Variants in ATG5 observed in about 807,000 individuals in gnomAD.
The protein encoded by ATG5 is autophagy related 5.
A neutral mutation model predicts 36.5 loss-of-function variants in ATG5; 14 were observed. The ratio of observed to expected loss-of-function variants is 0.38; its 90% confidence interval spans 0.25 to 0.60. The LOEUF is 0.60. Ranked by LOEUF, ATG5 falls within the 20% of genes least tolerant of loss-of-function variation. The pLI, the probability that ATG5 is intolerant of heterozygous loss-of-function variation, is 0.60. For synonymous variants in ATG5, 95 were observed against 101.5 expected, an observed-to-expected ratio of 0.94 and a Z score of 0.38; for missense variants, 195 against 326.7, an observed-to-expected ratio of 0.60 and a Z score of 3.11.
At chr6:106,228,865 T>G (rs1777550641) in intron 6 of ATG5, among the ~76,000 whole-genome samples, 1 of 152,100 alleles carries the variant, frequency 6.6e-6, no homozygotes, top group Non-Finnish European at 1.5e-5. Context: ...CCTTCTGGGT[T>G]GGGAACCTTG....
intron 2 of ATG5, among the ~76,000 whole-genome samples, chr6:106,309,882 A>G (rs985842618): frequency 2.6e-5 from 4 of 152,286 alleles, no homozygotes; most frequent in Middle Eastern, 3.4e-3. Flanking sequence ...GGCATTACAT[A>G]GTAATCTATT....
chr6:106,187,750 A>T (rs1418102348), intron 7 of ATG5, among the ~76,000 whole-genome samples: 2 of 152,204 alleles, frequency 1.3e-5, no homozygotes, highest in African/African-American at 4.8e-5. Flanking sequence ...TGAGCTGATG[A>T]TGTATGGTGA....
At chr6:106,315,848 C>T (rs775217637) in intron 2 of ATG5, among the ~76,000 whole-genome samples, 1 of 152,072 alleles carries the variant, frequency 6.6e-6, no homozygotes, top group Non-Finnish European at 1.5e-5. Flanking sequence ...CATTAACATA[C>T]CCACATACAT....
chr6:106,204,105 A>T (rs1024658404), intron 6 of ATG5, among the ~76,000 whole-genome samples: 4 of 152,152 alleles, frequency 2.6e-5, no homozygotes, highest in African/African-American at 9.7e-5. Flanking sequence ...GAGGGATAGC[A>T]TTAGGAGAAA....
chr6:106,322,251 T>C (rs999690703), intron 1 of ATG5, among the ~76,000 whole-genome samples: 1 of 152,156 alleles, frequency 6.6e-6, no homozygotes, highest in Non-Finnish European at 1.5e-5. Flanking sequence ...ATTCAGAAAA[T>C]GGCACGGTGT....
intron 4 of ATG5, among the ~76,000 whole-genome samples, chr6:106,287,775 C>A (rs888108743): frequency 1.3e-5 from 2 of 151,612 alleles, no homozygotes; most frequent in Non-Finnish European, 2.9e-5. Flanking sequence ...TCAACATGGA[C>A]AAAGAGAGAA....
chr6:106,258,489 C>T (rs760982542), intron 5 of ATG5, among the ~76,000 whole-genome samples: 5 of 152,132 alleles, frequency 3.3e-5, no homozygotes, highest in Non-Finnish European at 5.9e-5. Flanking sequence ...TTATCAATAA[C>T]TTATACACTT....
At chr6:106,318,472 A>G (rs1316203492) in intron 1 of ATG5, among the ~76,000 whole-genome samples, 1 of 152,230 alleles carries the variant, frequency 6.6e-6, no homozygotes, top group Non-Finnish European at 1.5e-5. Context: ...GAACACCTCA[A>G]GACTCCAACT....
At chr6:106,227,548 A>C (rs1777495546) in intron 6 of ATG5, among the ~76,000 whole-genome samples, 1 of 152,114 alleles carries the variant, frequency 6.6e-6, no homozygotes, top group Non-Finnish European at 1.5e-5. Context: ...GTGAGCTATG[A>C]CTGTGCCACT....
intron 3 of ATG5, among the ~76,000 whole-genome samples, chr6:106,305,582 G>T (rs538023252): frequency 6.6e-6 from 1 of 152,114 alleles, no homozygotes; most frequent in Admixed American, 6.5e-5. Context: ...CTCAACTGGC[G>T]ACTAATTTCC....
rs559001785 is a variant in ATG5, at chr6:106,322,092, G to A, written c.-59+3434C>T. On this transcript the variant is annotated intron_variant, in intron 1 of 7. Coordinates refer to ENST00000369076, the MANE Select transcript of ATG5 (RefSeq NM_004849.4). ...CCATCCAATTTCAAGGAACTGTCTT[G>A]GAAATAAAGAAACTCCAACCTGTGA... Among the ~76,000 whole-genome samples the A allele has an allele frequency of 9.9e-5, 15 of 152,168 alleles. 1 individual carries two copies. In the South Asian group the frequency reaches 3.1e-3, roughly 32 times the overall value.
intron 6 of ATG5, among the ~76,000 whole-genome samples, chr6:106,239,218 C>T (rs1778015454): frequency 6.6e-6 from 1 of 151,402 alleles, no homozygotes; most frequent in Non-Finnish European, 1.5e-5. Context: ...TTTCCAATGC[C>T]ATAAATAACT....
chr6:106,304,758 T>C (rs997730173), intron 3 of ATG5, among the ~76,000 whole-genome samples: 1 of 152,198 alleles, frequency 6.6e-6, no homozygotes, highest in Non-Finnish European at 1.5e-5. Flanking sequence ...GCTACACAAC[T>C]GTACACAATT....
chr6:106,311,057 G>C (rs1275816534), intron 2 of ATG5, among the ~76,000 whole-genome samples: 1 of 152,084 alleles, frequency 6.6e-6, no homozygotes, highest in Non-Finnish European at 1.5e-5. Flanking sequence ...CAAAAAAGTT[G>C]CCCATAATTT....
intron 7 of ATG5, among the ~76,000 whole-genome samples, chr6:106,198,200 T>TA (rs1776276913): frequency 6.6e-6 from 1 of 152,168 alleles, no homozygotes; most frequent in East Asian, 1.9e-4. Flanking sequence ...TTCTGTAGCC[T>TA]GAGTTCAAAA....
chr6:106,312,611 G>C (rs1399691960), intron 2 of ATG5, among the ~76,000 whole-genome samples: 3 of 137,436 alleles, frequency 2.2e-5, no homozygotes, highest in African/African-American at 8.1e-5. Flanking sequence ...AGAAAGATCT[G>C]GCAAAAAAGA....
chr6:106,247,525 A>G (rs73775400), intron 6 of ATG5, among the ~76,000 whole-genome samples: 3,744 of 152,276 alleles, frequency 0.025, 65 homozygotes, highest in African/African-American at 0.049. Context: ...GTTCTGTTCT[A>G]TAAGGTTACC....
At chr6:106,214,928 A>C (rs1776982958) in intron 6 of ATG5, among the ~76,000 whole-genome samples, 1 of 152,202 alleles carries the variant, frequency 6.6e-6, no homozygotes, top group African/African-American at 2.4e-5. Context: ...ATAATTAGGT[A>C]AATTCTCTAA....
intron 4 of ATG5, among the ~76,000 whole-genome samples, chr6:106,284,838 ATT>A (rs2114612603): frequency 6.6e-6 from 1 of 151,926 alleles, no homozygotes; most frequent in African/African-American, 2.4e-5. Context: ...CCTTTGACTA[ATT>A]TTTAATTGGG....
Sources: allele counts gnomAD v4.1 joint callset (sites outside exome capture counted in the v4.1 genomes callset), GRCh38; gene constraint gnomAD v4.1.1; transcripts MANE v1.5; gene names NCBI Gene and HGNC (gene_info 2026-07-23, HGNC 2026-07-21).